ASTN2: variants seen among roughly 807,000 people sequenced by gnomAD.
ASTN2 encodes the protein astrotactin-2.
Under a neutral mutation model 139.8 loss-of-function variants are expected in ASTN2, and 54 were observed. The observed-to-expected ratio is 0.39, with a 90% CI of 0.31 to 0.48. The LOEUF (loss-of-function observed/expected upper bound fraction) is 0.48. ASTN2 is among the 20% of genes least tolerant of loss of function. The pLI is 0.95. For synonymous variants in ASTN2, 756 were observed against 719.5 expected, an observed-to-expected ratio of 1.05 and a Z score of -0.81; for missense variants, 1,565 against 1,725.1, an observed-to-expected ratio of 0.91 and a Z score of 1.64.
chr9:116,808,147 C>A (rs1414637752), intron 12 of ASTN2, among the ~76,000 whole-genome samples: 4 of 151,942 alleles, frequency 2.6e-5, no homozygotes, highest in African/African-American at 7.2e-5. Flanking sequence ...GACAAAAAAA[C>A]CATTATCAAA....
At chr9:117,119,995 T>TG in intron 4 of ASTN2, among the ~76,000 whole-genome samples, 1 of 33,244 alleles carries the variant, frequency 3.0e-5, no homozygotes. Context: ...TTTGTATGTG[T>TG]GTGTGTGTGT....
intron 1 of ASTN2, among the ~76,000 whole-genome samples, chr9:117,400,631 C>T (rs562726339): frequency 2.1e-4 from 32 of 152,262 alleles, no homozygotes; most frequent in African/African-American, 6.7e-4. Context: ...AAACTCTAGT[C>T]GCACCTGGGT....
chr9:116,792,832 C>G (rs1409312780), intron 13 of ASTN2, among the ~76,000 whole-genome samples: 1 of 152,148 alleles, frequency 6.6e-6, no homozygotes, highest in East Asian at 1.9e-4. Flanking sequence ...CAGGCATAAC[C>G]TAGGCAGCTC....
chr9:116,856,576 T>C (rs146800618), intron 11 of ASTN2, among the ~76,000 whole-genome samples: 1 of 152,316 alleles, frequency 6.6e-6, no homozygotes, highest in African/African-American at 2.4e-5. Flanking sequence ...CTGAACCAGA[T>C]TCCAGCTTTT....
chr9:116,879,824 G>T (rs1362448947), intron 10 of ASTN2, among the ~76,000 whole-genome samples: 3 of 152,176 alleles, frequency 2.0e-5, no homozygotes, highest in Non-Finnish European at 2.9e-5. Context: ...AGTTACTCAA[G>T]CCCTGAGAAC....
chr9:116,666,844 C>A (rs903030321), intron 16 of ASTN2, among the ~76,000 whole-genome samples: 1 of 149,592 alleles, frequency 6.7e-6, no homozygotes, highest in South Asian at 2.1e-4. Flanking sequence ...ACATCTTCAA[C>A]AAATAACAGC....
chr9:116,732,882 C>T (rs1420285495), intron 14 of ASTN2, among the ~76,000 whole-genome samples: 2 of 152,134 alleles, frequency 1.3e-5, no homozygotes, highest in South Asian at 2.1e-4. Flanking sequence ...CTAAGTATAG[C>T]TTCCTAATCT....
chr9:116,668,093 T>C (rs978700548), intron 16 of ASTN2, among the ~76,000 whole-genome samples: 10 of 151,974 alleles, frequency 6.6e-5, no homozygotes, highest in Non-Finnish European at 1.5e-4. Flanking sequence ...TGCTCCCAAC[T>C]CCTGGAAACC....
chr9:116,436,351 C>T (rs1312346920), intron 22 of ASTN2, among the ~76,000 whole-genome samples: 1 of 152,056 alleles, frequency 6.6e-6, no homozygotes, highest in African/African-American at 2.4e-5. Flanking sequence ...GAAGAGGAGA[C>T]CCAGCAGGTG....
chr9:116,805,625 A>G lies in ASTN2; in HGVS notation c.2396+7T>C. Reference sequence around the variant, plus strand: ...AGACAAGCAATGTGCAAGTATCTACAGCATACCTAAAGGTCATCTGGAAGA... The same window carrying G: ...AGACAAGCAATGTGCAAGTATCTACGGCATACCTAAAGGTCATCTGGAAGA... On this transcript the variant is annotated splice_region_variant and intron_variant, in intron 13 of 22. Transcript: ENST00000313400. The G allele has an allele frequency of 6.2e-7, 1 of 1,613,182 alleles. No homozygotes were observed. The highest frequency in any genetic ancestry group is 8.5e-7 in the Non-Finnish European group (1 of 1,179,408).
In ASTN2 at chr9:116,791,070, G is replaced by A. The variant is rs1374688363; in HGVS notation, c.2396+14562C>T. On this transcript the variant is annotated intron_variant, in intron 13 of 22. Coordinates refer to ENST00000313400, the MANE Select transcript of ASTN2 (RefSeq NM_001365068.1). The stretch of plus-strand genomic sequence containing the variant: ...AAAGAAAAGAAAGAAAGAAGGAAAG[G>A]TCTCAAACTCCTGGCCTCTAGTGAT... Among the ~76,000 whole-genome samples the A allele has an allele frequency of 6.0e-5, 9 of 151,028 alleles. 1 individual carries two copies. In the South Asian group the frequency reaches 1.7e-3, roughly 28 times the overall value.
intron 10 of ASTN2, among the ~76,000 whole-genome samples, chr9:116,922,579 T>G (rs1306986936): frequency 6.6e-6 from 1 of 152,224 alleles, no homozygotes; most frequent in East Asian, 1.9e-4. Flanking sequence ...CATGTGATAA[T>G]GTAAAAGTCC....
At position 116,683,029 on chromosome 9, in the gene ASTN2, T is replaced by TAA. The variant is rs138881692; in HGVS notation, c.2807-31238_2807-31237dup. On this transcript the variant is annotated intron_variant, in intron 16 of 22. Coordinates refer to ENST00000313400, the MANE Select transcript of ASTN2 (RefSeq NM_001365068.1). ...TACCCTAAAACTTAAAGTATAATAATAATAAAATAAAATAAAAAATAAAAA... is the reference window on the plus strand; with the variant it reads ...TACCCTAAAACTTAAAGTATAATAATAAAATAAAATAAAATAAAAAATAAAAA... Among the ~76,000 whole-genome samples the TAA allele has an allele frequency of 3.9e-3, 573 of 148,244 alleles. 10 individuals are homozygous for TAA. Among genetic ancestry groups the TAA allele is most frequent in the Admixed American group, 0.033 (497 of 14,928 alleles).
rs372205842 is a variant in ASTN2 at position 117,295,824 on chromosome 9, A to C, written c.443-4311T>G. Among the ~76,000 whole-genome samples, 16 of 152,024 alleles carry C rather than the reference A, an allele frequency of 1.1e-4. No homozygotes were observed. The East Asian group carries it at 2.9e-3, about 27-fold the overall frequency. On this transcript the variant is annotated intron_variant, in intron 1 of 22. Coordinates refer to ENST00000313400, the MANE Select transcript of ASTN2 (RefSeq NM_001365068.1). ...GTGGGAAAAGACTCTCCCAGCTTGC[A>C]ACCAAGAACTACTTCCAGAAGGTGG...
chr9:117,063,819 G>T (rs146839504), intron 5 of ASTN2, among the ~76,000 whole-genome samples: 87 of 152,140 alleles, frequency 5.7e-4, no homozygotes, highest in African/African-American at 2.0e-3. Flanking sequence ...CCTAGGTTGG[G>T]GTCCTAAGGG....
At chr9:117,179,597 C>A (rs1417281293) in intron 3 of ASTN2, among the ~76,000 whole-genome samples, 2 of 152,276 alleles carry the variant, frequency 1.3e-5, no homozygotes, top group East Asian at 3.9e-4. Flanking sequence ...CTCCTTCTTG[C>A]ACCTCTTCCT....
At chr9:117,027,663 C>T (rs1000571806) in intron 6 of ASTN2, among the ~76,000 whole-genome samples, 2 of 152,208 alleles carry the variant, frequency 1.3e-5, no homozygotes, top group African/African-American at 2.4e-5. Flanking sequence ...TGAAGCTTTA[C>T]CCAGATCTGC....
chr9:117,001,423 C>G (rs1262894907), intron 7 of ASTN2, among the ~76,000 whole-genome samples: 1 of 152,130 alleles, frequency 6.6e-6, no homozygotes, highest in Non-Finnish European at 1.5e-5. Context: ...GTTAGATGCT[C>G]TCCAAAACAG....
At chr9:117,058,636 C>A (rs1267627747) in intron 5 of ASTN2, among the ~76,000 whole-genome samples, 1 of 152,222 alleles carries the variant, frequency 6.6e-6, no homozygotes, top group East Asian at 1.9e-4. Flanking sequence ...TGCAGAGATG[C>A]ATCTTTCTGA....
Sources: allele counts gnomAD v4.1 joint callset (sites outside exome capture counted in the v4.1 genomes callset), GRCh38; gene constraint gnomAD v4.1.1; transcripts MANE v1.5; gene names NCBI Gene and HGNC (gene_info 2026-07-23, HGNC 2026-07-21).